The following PTPRN2 variants were observed in gnomAD, a reference collection of about 807,000 sequenced individuals.
The protein encoded by PTPRN2 is receptor-type tyrosine-protein phosphatase N2.
PTPRN2 carries 74 observed loss-of-function variants against 118.8 expected under a neutral mutation model. The ratio of observed to expected loss-of-function variants is 0.62; its 90% CI spans 0.52 to 0.76. PTPRN2 has a LOEUF of 0.76. Among genes scored for constraint, PTPRN2 ranks in the 30% least tolerant of loss-of-function variants. PTPRN2 has a pLI of 0.00. For missense variants in PTPRN2, 1,481 were observed against 1,394.4 expected, an observed-to-expected ratio of 1.06 and a Z score of -0.99; for synonymous variants, 641 against 608.0, an observed-to-expected ratio of 1.05 and a Z score of -0.80.
rs1227883138 is a variant in PTPRN2 at position 158,071,349 on chromosome 7, GTGGTGGTGGAGGTGCTCA to G, written c.1723+9931_1723+9948del. 3.1e-3 allele frequency among the ~76,000 whole-genome samples: 294 copies of G among 93,408 alleles called. 8 individuals are homozygous for G. The highest frequency in any genetic ancestry group is 0.01 in the African/African-American group (211 of 20,740). 61.3% of individuals were successfully genotyped at this position (93,408 alleles called of 152,430 possible). On this transcript the variant is annotated intron_variant, in intron 11 of 22. Transcript: ENST00000389418. ...GGTGCCCATGGTGGTGGAGGTGCTC[GTGGTGGTGGAGGTGCTCA>G]TGGTGGTGGAGGTGCTCGTGGTGGA...
rs1802268698 is a variant in PTPRN2, at chr7:157,763,502, G to T, written c.1789-80565C>A. Among the ~76,000 whole-genome samples, 1 of 152,054 alleles carries T rather than the reference G, an allele frequency of 6.6e-6. No homozygotes were observed. Among genetic ancestry groups the T allele is most frequent in the Non-Finnish European group, 1.5e-5 (1 of 68,024 alleles). ...GCCCCAAACCCCACGGCACAGTTGG[G>T]GATCCTCTCGGCTGGGTCCCCAGGG... On this transcript the variant is annotated intron_variant, in intron 12 of 22. Transcript: ENST00000389418. This position sits in a 1 kb window ranked among gnomAD's most constrained non-coding sequence, Gnocchi z 4.9.
chr7:157,564,636 C>T (rs1799391747), intron 21 of PTPRN2, among the ~76,000 whole-genome samples: 1 of 152,196 alleles, frequency 6.6e-6, no homozygotes, highest in African/African-American at 2.4e-5. Context: ...CTTGAAATGT[C>T]TGTTTTGCTC....
chr7:158,438,674 C>T lies in PTPRN2; in HGVS notation c.163+51061G>A, dbSNP rs568540432. 1.6e-4 allele frequency among the ~76,000 whole-genome samples: 24 copies of T among 152,134 alleles called. No homozygotes were observed. Among genetic ancestry groups the T allele is most frequent in the Admixed American group, 1.3e-4 (2 of 15,270 alleles). On this transcript the variant is annotated intron_variant, in intron 2 of 22. Transcript: ENST00000389418. The surrounding 1 kb of genome is among the most constrained non-coding windows in gnomAD (Gnocchi z 4.7). ...TTCCTGGAATTTGCTAATGATGAATCGTGCTGTGTGAAAATACACTTTAGG... is the reference window on the plus strand; with the variant it reads ...TTCCTGGAATTTGCTAATGATGAATTGTGCTGTGTGAAAATACACTTTAGG...
At chr7:158,431,546 CACTG>C (rs1563285547) in intron 2 of PTPRN2, among the ~76,000 whole-genome samples, 1 of 147,910 alleles carries the variant, frequency 6.8e-6, no homozygotes, top group Non-Finnish European at 1.5e-5. Flanking sequence ...ATCGAGCACA[CACTG>C]GCTCACACTG....
chr7:158,199,452 T>A (rs1465218659), intron 4 of PTPRN2, among the ~76,000 whole-genome samples: 1 of 152,238 alleles, frequency 6.6e-6, no homozygotes, highest in Non-Finnish European at 1.5e-5. Context: ...GAGCTTGTGG[T>A]TGCCACTCTG....
At chr7:158,154,034 C>T (rs945749490) in intron 6 of PTPRN2, among the ~76,000 whole-genome samples, 7 of 152,142 alleles carry the variant, frequency 4.6e-5, no homozygotes, top group African/African-American at 9.7e-5. Context: ...GTGTGGGGTC[C>T]GGGCTGGGCT....
rs979320702 is a variant in PTPRN2, at chr7:157,611,429, C to T, written c.2345-7354G>A. ...GGGGGCAGAATGCAGGGGGAACAGA[C>T]GCCAAAGGTGTGTGGGGGTTGCCGT... On this transcript the variant is annotated intron_variant, in intron 15 of 22. Coordinates refer to ENST00000389418, the MANE Select transcript of PTPRN2 (RefSeq NM_002847.5). The surrounding 1 kb of genome is among the most constrained non-coding windows in gnomAD (Gnocchi z 5.9). Among the ~76,000 whole-genome samples the T allele has an allele frequency of 2.0e-5, 3 of 152,158 alleles. No individual in the cohort carries two copies. Among genetic ancestry groups the T allele is most frequent in the East Asian group, 1.9e-4 (1 of 5,182 alleles).
intron 2 of PTPRN2, among the ~76,000 whole-genome samples, chr7:158,422,453 A>C (rs1020252477): frequency 3.9e-5 from 6 of 152,246 alleles, no homozygotes; most frequent in African/African-American, 1.4e-4. Context: ...ATGCTGCCAG[A>C]TTCTCATTTC....
At chr7:157,826,102 C>A (rs1046558304) in intron 12 of PTPRN2, among the ~76,000 whole-genome samples, 1 of 151,708 alleles carries the variant, frequency 6.6e-6, no homozygotes, top group Non-Finnish European at 1.5e-5. Context: ...TCACAATGAG[C>A]GCCATTTCCA....
intron 12 of PTPRN2, among the ~76,000 whole-genome samples, chr7:157,705,403 C>T (rs533799314): frequency 2.8e-4 from 42 of 152,324 alleles, no homozygotes; most frequent in African/African-American, 8.4e-4. Flanking sequence ...CAGCAGGAGG[C>T]GAGGCAGGGT....
intron 10 of PTPRN2, among the ~76,000 whole-genome samples, chr7:158,098,230 A>AG (rs1814811252): frequency 1.3e-5 from 2 of 152,202 alleles, no homozygotes; most frequent in African/African-American, 4.8e-5. Context: ...GAAGCGCTGG[A>AG]CGCAGCAAGA....
chr7:158,084,856 C>A (rs2128934940), intron 10 of PTPRN2, among the ~76,000 whole-genome samples: 1 of 147,272 alleles, frequency 6.8e-6, no homozygotes, highest in East Asian at 2.1e-4. Context: ...CCATCCACAT[C>A]CTTGATGCCC....
rs112851903 is a variant in PTPRN2 at position 158,558,593 on chromosome 7, C to A, written c.112+28965G>T. On this transcript the variant is annotated intron_variant, in intron 1 of 22. Transcript: ENST00000389418. ...TCCAGGCACCTAGAGGCAGGTGTGT[C>A]CTCACAAATGGAGCCTGTGAAAAAA... is the stretch of plus-strand genomic sequence containing the variant. 5.2e-3 allele frequency among the ~76,000 whole-genome samples: 793 copies of A among 152,028 alleles called. 6 individuals carry two copies. Among genetic ancestry groups the A allele is most frequent in the African/African-American group, 0.018 (758 of 41,454 alleles).
At chr7:158,070,670 G>GTA (rs1811244985) in intron 11 of PTPRN2, among the ~76,000 whole-genome samples, 1 of 127,092 alleles carries the variant, frequency 7.9e-6, no homozygotes, top group Non-Finnish European at 1.6e-5. Context: ...GCTCCTGGTG[G>GTA]TGGAGGTGCC....
chr7:158,511,724 C>T (rs1823192418), intron 1 of PTPRN2, among the ~76,000 whole-genome samples: 1 of 152,228 alleles, frequency 6.6e-6, no homozygotes, highest in Admixed American at 6.5e-5. Flanking sequence ...CGGTGGGAGG[C>T]AGCATGCTCA....
chr7:157,576,464 C>A, intron 19 of PTPRN2, 149 bp downstream of exon 19: 1 of 813,618 alleles, frequency 1.2e-6, no homozygotes, highest in South Asian at 2.0e-5. Context: ...ACGGAGTCTT[C>A]CCGCCTCTCG....
At chr7:158,150,910 TG>T (rs2150526307) in intron 6 of PTPRN2, among the ~76,000 whole-genome samples, 1 of 151,998 alleles carries the variant, frequency 6.6e-6, no homozygotes, top group East Asian at 1.9e-4. Flanking sequence ...TTGCAGCAAA[TG>T]GGCCCCACAC....
chr7:157,566,033 A>C (rs1299703852), intron 21 of PTPRN2, among the ~76,000 whole-genome samples: 1 of 152,216 alleles, frequency 6.6e-6, no homozygotes, highest in Non-Finnish European at 1.5e-5. Flanking sequence ...AAGAACTTCA[A>C]CTATTCTGAG....
intron 4 of PTPRN2, among the ~76,000 whole-genome samples, chr7:158,196,904 GA>G (rs1016215016): frequency 6.6e-6 from 1 of 152,190 alleles, no homozygotes; most frequent in African/African-American, 2.4e-5. Context: ...ATACGACACT[GA>G]AGGACATCAT....
Sources: gnomAD v4.1 joint callset for allele counts (sites outside exome capture counted in the v4.1 genomes callset) on GRCh38, gnomAD v4.1.1 for gene constraint, Gnocchi (gnomAD v3.1) non-coding constraint, MANE v1.5 for transcripts, NCBI Gene and HGNC (gene_info 2026-07-23, HGNC 2026-07-21) for gene names.